KCNB2: variants seen among roughly 807,000 people sequenced by gnomAD.
KCNB2 encodes potassium voltage-gated channel subfamily B member 2.
Under a neutral mutation model 61.5 loss-of-function variants are expected in KCNB2, and 15 were observed. The ratio of observed to expected loss-of-function variants is 0.24; its 90% CI spans 0.16 to 0.38. The LOEUF is 0.38. Ranked by LOEUF, KCNB2 falls within the 10% of genes least tolerant of loss-of-function variation. KCNB2 has a pLI of 1.00. For missense variants in KCNB2, 828 were observed against 1,125.2 expected (o/e 0.74, Z 3.78); for synonymous variants, 457 against 446.0 (o/e 1.02, Z -0.31).
intron 2 of KCNB2, among the ~76,000 whole-genome samples, chr8:72,838,384 T>C (rs957047301): frequency 6.6e-6 from 1 of 152,220 alleles, no homozygotes; most frequent in South Asian, 2.1e-4. Flanking sequence ...GTCCTTGTGA[T>C]AGTTTGCTGA....
chr8:72,663,571 C>A (rs2128987505), intron 2 of KCNB2, among the ~76,000 whole-genome samples: 1 of 152,266 alleles, frequency 6.6e-6, no homozygotes, highest in Non-Finnish European at 1.5e-5. Context: ...CTACTTTCAT[C>A]TTTATTATAA....
intron 2 of KCNB2, among the ~76,000 whole-genome samples, chr8:72,654,299 A>T (rs192303435): frequency 8.1e-4 from 123 of 152,338 alleles, no homozygotes; most frequent in African/African-American, 2.8e-3. Context: ...GAATAAGTGT[A>T]TATCATGAAG....
chr8:72,799,375 T>C (rs1187193248), intron 2 of KCNB2, among the ~76,000 whole-genome samples: 7 of 150,336 alleles, frequency 4.7e-5, no homozygotes, highest in Non-Finnish European at 1.0e-4. Flanking sequence ...TCAACTCTTT[T>C]TAAATAAAAT....
chr8:72,791,289 C>G (rs992997362), intron 2 of KCNB2, among the ~76,000 whole-genome samples: 1 of 152,124 alleles, frequency 6.6e-6, no homozygotes, highest in African/African-American at 2.4e-5. Context: ...GTGGCTCACA[C>G]CTATAATCCC....
chr8:72,851,226 C>G (rs1810101480), intron 2 of KCNB2, among the ~76,000 whole-genome samples: 1 of 5,826 alleles, frequency 1.7e-4, no homozygotes, highest in East Asian at 6.9e-4. Context: ...ACGTCACTGC[C>G]TTAAATCTCA....
At chr8:72,794,326 G>A (rs1420538587) in intron 2 of KCNB2, among the ~76,000 whole-genome samples, 4 of 152,132 alleles carry the variant, frequency 2.6e-5, no homozygotes, top group Non-Finnish European at 5.9e-5. Context: ...CAGCACTTTG[G>A]GAGGCTGAGG....
intron 1 of KCNB2, among the ~76,000 whole-genome samples, chr8:72,551,367 G>T (rs2128977338): frequency 6.6e-6 from 1 of 152,188 alleles, no homozygotes; most frequent in Non-Finnish European, 1.5e-5. Flanking sequence ...ATTTCCCAAA[G>T]CATCACTAGT....
chr8:72,745,266 A>G (rs549836588), intron 2 of KCNB2, among the ~76,000 whole-genome samples: 1 of 152,300 alleles, frequency 6.6e-6, no homozygotes, highest in South Asian at 2.1e-4. Context: ...GAAGGAATGT[A>G]AGAGAAAATG....
intron 2 of KCNB2, among the ~76,000 whole-genome samples, chr8:72,838,447 CT>C (rs1236993222): frequency 3.9e-5 from 6 of 152,126 alleles, no homozygotes; most frequent in African/African-American, 1.4e-4. Context: ...TGAACTCATC[CT>C]TTTTTTGGCT....
intron 2 of KCNB2, among the ~76,000 whole-genome samples, chr8:72,585,655 G>C (rs987303): frequency 1.3e-5 from 2 of 151,994 alleles, no homozygotes; most frequent in East Asian, 3.9e-4. Context: ...GGCATGAGCC[G>C]TGATGCCCAA....
At chr8:72,731,637 G>A (rs1419746648) in intron 2 of KCNB2, among the ~76,000 whole-genome samples, 1 of 152,220 alleles carries the variant, frequency 6.6e-6, no homozygotes, top group Non-Finnish European at 1.5e-5. Flanking sequence ...ATGTGAGTGT[G>A]AACATATCAT....
chr8:72,853,000 G>C (rs1280224079), intron 2 of KCNB2, among the ~76,000 whole-genome samples: 1 of 152,196 alleles, frequency 6.6e-6, no homozygotes, highest in East Asian at 1.9e-4. Flanking sequence ...GGAGGGGAGA[G>C]GGAGTGAAAT....
intron 2 of KCNB2, among the ~76,000 whole-genome samples, chr8:72,650,079 A>G (rs899295827): frequency 1.3e-5 from 2 of 152,172 alleles, no homozygotes; most frequent in African/African-American, 4.8e-5. Context: ...AGGAAAGACA[A>G]TTATACAGAG....
At chr8:72,669,414 A>G (rs1806527722) in intron 2 of KCNB2, among the ~76,000 whole-genome samples, 1 of 152,212 alleles carries the variant, frequency 6.6e-6, no homozygotes, top group Non-Finnish European at 1.5e-5. Flanking sequence ...TATAAAAATA[A>G]CTGAATAAAA....
At chr8:72,824,823 C>G (rs561148773) in intron 2 of KCNB2, among the ~76,000 whole-genome samples, 3 of 152,108 alleles carry the variant, frequency 2.0e-5, no homozygotes, top group African/African-American at 7.2e-5. Context: ...AGGCTTCCTC[C>G]GTAGACCTCC....
chr8:72,900,905 T>C (rs987123749), intron 2 of KCNB2, among the ~76,000 whole-genome samples: 2 of 152,178 alleles, frequency 1.3e-5, no homozygotes, highest in Non-Finnish European at 2.9e-5. Context: ...GGAATGTAAT[T>C]GGTTCAGTCT....
intron 2 of KCNB2, among the ~76,000 whole-genome samples, chr8:72,665,320 A>G (rs1187132792): frequency 6.6e-6 from 1 of 152,156 alleles, no homozygotes; most frequent in Non-Finnish European, 1.5e-5. Flanking sequence ...GAGGTCTCCA[A>G]GGCTTTTAGC....
intron 2 of KCNB2, among the ~76,000 whole-genome samples, chr8:72,762,685 A>G (rs1291053822): frequency 6.6e-6 from 1 of 152,120 alleles, no homozygotes; most frequent in Non-Finnish European, 1.5e-5. Flanking sequence ...AAATAATAAT[A>G]TATCAGGGAG....
At chr8:72,892,898 G>A (rs1169395857) in intron 2 of KCNB2, among the ~76,000 whole-genome samples, 1 of 152,076 alleles carries the variant, frequency 6.6e-6, no homozygotes, top group Non-Finnish European at 1.5e-5. Context: ...AGCAGCAAAT[G>A]TACTTAAGGA....
Sources: allele counts gnomAD v4.1 joint callset (sites outside exome capture counted in the v4.1 genomes callset), GRCh38; gene constraint gnomAD v4.1.1; transcripts MANE v1.5; gene names NCBI Gene and HGNC (gene_info 2026-07-23, HGNC 2026-07-21).